Variants in IL32 observed in about 807,000 individuals in gnomAD.
IL32 encodes interleukin 32, also known as interleukin-32.
A neutral mutation model predicts 16.6 loss-of-function variants in IL32; 30 were observed. That is an observed-to-expected ratio of 1.81 (90% CI 1.35 to 2.45). The LOEUF (loss-of-function observed/expected upper bound fraction) is 2.45. Ranked by LOEUF, IL32 falls within the 30% of genes most tolerant of loss-of-function variation. The pLI, the probability that IL32 is intolerant of heterozygous loss-of-function variation, is 0.00. For synonymous variants in IL32, 70 were observed against 86.1 expected (o/e 0.81, Z 1.03); for missense variants, 234 against 229.8 (o/e 1.02, Z -0.12).
At chr16:3,067,867 C>T (rs563758798) in intron 4 of IL32, 117 bp from the exon 5 acceptor site, 2 of 1,275,004 alleles carry the variant, frequency 1.6e-6, no homozygotes, top group East Asian at 2.4e-5. Context: ...GGCCCGGGCC[C>T]CTGGCTGGGC....
Position 3,067,398 on chromosome 16 carries a change from A to G in IL32, c.37A>G (p.Lys13Glu). 1 of 1,561,254 alleles carries G rather than the reference A, an allele frequency of 6.4e-7. No homozygotes were observed. The highest frequency in any genetic ancestry group is 8.7e-7 in the Non-Finnish European group (1 of 1,153,274). The change falls in exon 3 of 7, where the codon AAG (lysine) becomes GAG (glutamate). Residue 13 changes from lysine (K) to glutamate (E), a missense_variant. Physicochemically the swap from Lys to Glu is moderately conservative, Grantham distance 56. Around this residue, in one of 3 missense-constraint regions of IL32, gnomAD observed 137 missense variants for 80.7 expected, o/e 1.70. Coordinates refer to ENST00000525643, the MANE Select transcript of IL32 (RefSeq NM_001376923.1). ...FPKVLSDDMK[K>E]LKARMHQAIE... ...GCAGGTCCTCTCTGATGACATGAAGAAGCTGAAGGCCCGAATGGTAATGCT... is the reference window on the plus strand; with the variant it reads ...GCAGGTCCTCTCTGATGACATGAAGGAGCTGAAGGCCCGAATGGTAATGCT...
intron 2 of IL32, among the ~76,000 whole-genome samples, chr16:3,066,218 G>A (rs1309166309): frequency 6.6e-6 from 1 of 151,978 alleles, no homozygotes; most frequent in Admixed American, 6.5e-5. Flanking sequence ...GGTTCCCTCC[G>A]ACCTCCCATC....
At chr16:3,065,479 C>A (rs1307245564), upstream of IL32, 4 of 453,098 alleles carry the variant, frequency 8.8e-6, no homozygotes, top group Non-Finnish European at 1.6e-5. Flanking sequence ...GGACCCCAGA[C>A]CTCTGTCTCT....
At position 3,067,553 on chromosome 16, in the gene IL32, G is replaced by A. The variant is rs1247123625; in HGVS notation, c.55-1G>A. On this transcript the variant is annotated splice_acceptor_variant, in intron 3 of 6. Coordinates refer to ENST00000525643, the MANE Select transcript of IL32 (RefSeq NM_001376923.1). LOFTEE classifies it high-confidence loss of function. ...GGTGCCAACTCTGCCTCTCTTCACA[G>A]CACCAGGCCATAGAAAGATTTTATG... The A allele has an allele frequency of 5.6e-6, 9 of 1,614,088 alleles. No individual in the cohort carries two copies. Among genetic ancestry groups the A allele is most frequent in the Non-Finnish European group, 7.6e-6 (9 of 1,180,000 alleles).
At chr16:3,065,906 G>C in intron 2 of IL32, 80 bp downstream of exon 2, 3 of 1,547,250 alleles carry the variant, frequency 1.9e-6, no homozygotes, top group South Asian at 2.2e-5. Flanking sequence ...AGTATTTCCC[G>C]AGGTGCCTGT....
At chr16:3,065,748 C>A in intron 1 of IL32, 36 bp from the exon 2 acceptor site, 1 of 1,607,142 alleles carries the variant, frequency 6.2e-7, no homozygotes, top group Non-Finnish European at 8.5e-7. Context: ...TTCTCTGAGA[C>A]ACTTTCTTTT....
chr16:3,068,398 C>T (rs748493590), intron 6 of IL32, 159 bp downstream of exon 6: 6 of 672,486 alleles, frequency 8.9e-6, no homozygotes, highest in Admixed American at 2.5e-5. Flanking sequence ...CTCCAAATCT[C>T]GGGTTTAAGT....
intron 6 of IL32, 89 bp from the exon 7 acceptor site, chr16:3,068,901 T>A: frequency 1.3e-6 from 2 of 1,582,608 alleles, no homozygotes; most frequent in Non-Finnish European, 1.7e-6. Flanking sequence ...TCTCCCAGGG[T>A]CAGGAAAAGG....
rs937719935 is a variant in IL32, at chr16:3,067,614, G to A, written c.114+1G>A. On this transcript the variant is annotated splice_donor_variant, in intron 4 of 6. Transcript: ENST00000525643. LOFTEE classifies it high-confidence loss of function. Reference sequence around the variant, plus strand: ...AAATGCAGAATCAGGACGTGGACAGGTGGGTGGATTTCCCCTCAGGCACCA... The same window carrying A: ...AAATGCAGAATCAGGACGTGGACAGATGGGTGGATTTCCCCTCAGGCACCA... The A allele has an allele frequency of 3.1e-6, 5 of 1,607,174 alleles. No homozygotes were observed. Among genetic ancestry groups the A allele is most frequent in the Non-Finnish European group, 4.3e-6 (5 of 1,175,118 alleles).
rs866026835 is a variant in IL32, at chr16:3,068,778, G to C, written c.202-212G>C. 54 of 743,586 alleles carry C rather than the reference G, an allele frequency of 7.3e-5. No individual in the cohort carries two copies. In the Middle Eastern group the frequency reaches 1.2e-3, roughly 17 times the overall value. The allele number at this position is 743,586 out of a possible 1,614,324, so 46.1% of individuals were successfully genotyped here. A position where few individuals can be genotyped will look rare whatever the true frequency, so the allele number is the denominator to read the frequency against. On this transcript the variant is annotated intron_variant, in intron 6 of 6. Coordinates refer to ENST00000525643, the MANE Select transcript of IL32 (RefSeq NM_001376923.1). ...AGGGCCCTGACCTGGTGACCAAGCA[G>C]ACACACCCATCCTGTCACTGCCATG...
intron 2 of IL32, 106 bp from the exon 3 acceptor site, chr16:3,067,271 C>CTGTG (rs60859102): frequency 0.035 from 20,902 of 601,694 alleles, 529 homozygotes; most frequent in African/African-American, 0.15. Context: ...CCATGTGTCT[C>CTGTG]TGTGTGTGTG....
rs540985058 is a variant in IL32 at position 3,066,881 on chromosome 16, G to T, written c.16-496G>T. On this transcript the variant is annotated intron_variant, in intron 2 of 6. Coordinates refer to ENST00000525643, the MANE Select transcript of IL32 (RefSeq NM_001376923.1). ...TCCATCCTCCCGTGTGTGTACATGG[G>T]GGGGTGTGTGTGTGCAGGGAGGACA... Among the ~76,000 whole-genome samples the T allele has an allele frequency of 1.5e-3, 233 of 151,980 alleles. 3 individuals are homozygous for T. The highest frequency in any genetic ancestry group is 5.3e-3 in the African/African-American group (222 of 41,526).
At chr16:3,067,151 C>T (rs971609146) in intron 2 of IL32, among the ~76,000 whole-genome samples, 6 of 152,064 alleles carry the variant, frequency 3.9e-5, no homozygotes, top group Non-Finnish European at 7.4e-5. Context: ...CCAGCTGAGC[C>T]GGCTCCTGAG....
intron 2 of IL32, among the ~76,000 whole-genome samples, chr16:3,066,997 C>G (rs13330871): frequency 1.8e-5 from 1 of 54,210 alleles, no homozygotes; most frequent in Non-Finnish European, 3.7e-5. Context: ...CCTAGGCCCA[C>G]GCAGGCCCTG....
Position 3,069,313 on chromosome 16 carries a change from G to T in IL32, c.525G>T (p.Glu175Asp). ...GAGCCCCACGGGGGGACAAGGAGGAGCTGACACCCCAGAAGTGCTCTGAAC... is the reference window on the plus strand; with the variant it reads ...GAGCCCCACGGGGGGACAAGGAGGATCTGACACCCCAGAAGTGCTCTGAAC... ...SYGAPRGDKE[E>D]LTPQKCSEPQ... Residue 175 changes from glutamate to aspartate, a missense_variant, in exon 7 of 7, where the codon GAG becomes GAT. Transcript: ENST00000525643. 6.2e-7 allele frequency: 1 copy of T among 1,613,106 alleles called. No individual in the cohort carries two copies. Among genetic ancestry groups the T allele is most frequent in the South Asian group, 1.1e-5 (1 of 91,024 alleles).
intron 2 of IL32, among the ~76,000 whole-genome samples, chr16:3,066,444 G>A (rs1199623535): frequency 6.6e-6 from 1 of 152,230 alleles, no homozygotes; most frequent in Non-Finnish European, 1.5e-5. Context: ...CTGAAAGTGT[G>A]CAGACAGCTG....
chr16:3,068,740 T>C (rs947323670), intron 6 of IL32: 8 of 565,702 alleles, frequency 1.4e-5, no homozygotes, highest in African/African-American at 9.4e-5. Flanking sequence ...GGCACAGCCC[T>C]CAAGGCACGA....
chr16:3,068,047 C>T, intron 5 of IL32, 37 bp downstream of exon 5: 3 of 1,613,522 alleles, frequency 1.9e-6, no homozygotes, highest in African/African-American at 1.3e-5. Flanking sequence ...AGCTTAGTCC[C>T]TGGGTCTTAG....
intron 2 of IL32, among the ~76,000 whole-genome samples, chr16:3,066,112 AACG>A (rs1378372894): frequency 1.3e-5 from 2 of 151,968 alleles, no homozygotes; most frequent in East Asian, 3.9e-4. Flanking sequence ...CTCTGCTGGA[AACG>A]ACTCGGAGAA....
Sources: allele counts gnomAD v4.1 joint callset (sites outside exome capture counted in the v4.1 genomes callset), GRCh38; gene constraint gnomAD v4.1.1; regional missense constraint gnomAD v4.1.1; transcripts MANE v1.5; gene names NCBI Gene and HGNC (gene_info 2026-07-23, HGNC 2026-07-21).